The following CCSER1 variants were observed in gnomAD, a reference collection of about 807,000 sequenced individuals.
CCSER1 encodes the protein coiled-coil serine rich protein 1.
A neutral mutation model predicts 82.0 loss-of-function variants in CCSER1; 41 were observed. The ratio of observed to expected loss-of-function variants is 0.50; its 90% CI spans 0.39 to 0.65. The LOEUF is 0.65. Among genes scored for constraint, CCSER1 ranks in the 30% least tolerant of loss-of-function variants. The pLI is 0.00. For synonymous variants in CCSER1, 414 were observed against 383.9 expected (o/e 1.08, Z -0.92); for missense variants, 1,119 against 1,064.2 (o/e 1.05, Z -0.72).
At chr4:91,496,564 G>GAATATA (rs1758818964) in intron 10 of CCSER1, among the ~76,000 whole-genome samples, 1 of 17,630 alleles carries the variant, frequency 5.7e-5, no homozygotes, top group Non-Finnish European at 1.5e-4. Flanking sequence ...CATAAATCTT[G>GAATATA]TATATATATA....
chr4:90,832,501 TC>T (rs776680293), intron 8 of CCSER1, among the ~76,000 whole-genome samples: 239 of 152,244 alleles, frequency 1.6e-3, no homozygotes, highest in Non-Finnish European at 2.8e-3. Flanking sequence ...TGTTTGATGA[TC>T]CCTCTTTTGT....
At chr4:91,044,121 CA>C (rs893680781) in intron 9 of CCSER1, among the ~76,000 whole-genome samples, 3 of 152,116 alleles carry the variant, frequency 2.0e-5, no homozygotes, top group African/African-American at 7.2e-5. Context: ...GGGGTCTGGG[CA>C]AAAATGAAAC....
At position 90,625,601 on chromosome 4, in the gene CCSER1, GT is replaced by G. The variant is rs965145414; in HGVS notation, c.1725-2416del. On this transcript the variant is annotated intron_variant, in intron 5 of 10. Coordinates refer to ENST00000509176, the MANE Select transcript of CCSER1 (RefSeq NM_001145065.2). ...GTTTCTCATATGTGAAAGAATATTAGTTTTTTTTGGTATCAACTACTAAAAA... is the reference window on the plus strand; with the variant it reads ...GTTTCTCATATGTGAAAGAATATTAGTTTTTTTGGTATCAACTACTAAAAA... Among the ~76,000 whole-genome samples, 417 of 151,948 alleles carry G rather than the reference GT, an allele frequency of 2.7e-3. 4 individuals are homozygous for G. Among genetic ancestry groups the G allele is most frequent in the African/African-American group, 9.5e-3 (392 of 41,446 alleles).
intron 10 of CCSER1, among the ~76,000 whole-genome samples, chr4:91,160,255 A>G (rs565679724): frequency 6.6e-6 from 1 of 152,328 alleles, no homozygotes; most frequent in African/African-American, 2.4e-5. Flanking sequence ...ATAGTATTCC[A>G]TGATGTATAT....
intron 10 of CCSER1, among the ~76,000 whole-genome samples, chr4:91,123,190 C>A (rs1727235848): frequency 6.6e-6 from 1 of 151,678 alleles, no homozygotes; most frequent in Non-Finnish European, 1.5e-5. Context: ...AATTGATTTT[C>A]TTTCAAATAG....
chr4:90,836,237 T>C (rs570464016), intron 8 of CCSER1, among the ~76,000 whole-genome samples: 11 of 152,254 alleles, frequency 7.2e-5, no homozygotes, highest in African/African-American at 2.6e-4. Context: ...ACATGATCAG[T>C]GTGCACTCAG....
chr4:91,309,916 AGG>A (rs1745344554), intron 10 of CCSER1, among the ~76,000 whole-genome samples: 1 of 151,892 alleles, frequency 6.6e-6, no homozygotes, highest in South Asian at 2.1e-4. Context: ...AGATTTCTGA[AGG>A]CTAGAGGTCC....
chr4:91,586,741 T>G (rs1161225525), intron 10 of CCSER1, among the ~76,000 whole-genome samples: 1 of 151,760 alleles, frequency 6.6e-6, no homozygotes, highest in Non-Finnish European at 1.5e-5. Context: ...TTAGAAATTA[T>G]GTTGTACCAC....
At chr4:91,088,038 G>A (rs1336090359) in intron 10 of CCSER1, among the ~76,000 whole-genome samples, 1 of 152,048 alleles carries the variant, frequency 6.6e-6, no homozygotes, top group Non-Finnish European at 1.5e-5. Context: ...TAAGAAATGG[G>A]ACGTGTATGT....
chr4:90,312,765 GAA>G (rs1735528009), intron 2 of CCSER1, 96 bp from the exon 3 acceptor site: 19 of 928,436 alleles, frequency 2.0e-5, no homozygotes, highest in Non-Finnish European at 2.7e-5. Context: ...GAGAAACTTT[GAA>G]TAACACTAAG....
intron 10 of CCSER1, among the ~76,000 whole-genome samples, chr4:91,298,370 A>C (rs1028356488): frequency 4.6e-5 from 7 of 152,030 alleles, no homozygotes; most frequent in African/African-American, 1.7e-4. Context: ...TCAAATGACC[A>C]CATAGCAGAA....
chr4:91,150,264 G>A (rs1312217762), intron 10 of CCSER1, among the ~76,000 whole-genome samples: 3 of 152,150 alleles, frequency 2.0e-5, no homozygotes, highest in African/African-American at 7.2e-5. Flanking sequence ...GTTCACTTAT[G>A]ATTTGGCTCT....
At chr4:90,943,263 C>T (rs531077974) in intron 9 of CCSER1, among the ~76,000 whole-genome samples, 7 of 152,060 alleles carry the variant, frequency 4.6e-5, no homozygotes, top group Non-Finnish European at 1.0e-4. Flanking sequence ...TTTTGTTTAC[C>T]TCGTGGTTCA....
intron 10 of CCSER1, among the ~76,000 whole-genome samples, chr4:91,407,708 G>A (rs892950736): frequency 2.0e-5 from 3 of 152,112 alleles, no homozygotes; most frequent in African/African-American, 7.2e-5. Context: ...GGTGAGAGAA[G>A]GGACAAGAGA....
chr4:90,536,038 T>G (rs951726304), intron 5 of CCSER1, among the ~76,000 whole-genome samples: 1 of 148,006 alleles, frequency 6.8e-6, no homozygotes, highest in African/African-American at 2.5e-5. Context: ...TCTGTTTTTT[T>G]TTTTTTTTTT....
chr4:91,553,532 C>T (rs1201212517), intron 10 of CCSER1, among the ~76,000 whole-genome samples: 4 of 150,442 alleles, frequency 2.7e-5, no homozygotes, highest in South Asian at 2.1e-4. Context: ...TTCTCTTCGT[C>T]GGGAGATATT....
intron 9 of CCSER1, among the ~76,000 whole-genome samples, chr4:90,939,585 A>G (rs1731355282): frequency 6.6e-6 from 1 of 152,214 alleles, no homozygotes; most frequent in South Asian, 2.1e-4. Flanking sequence ...AGGGCAATAG[A>G]AATGCCATAG....
intron 1 of CCSER1, among the ~76,000 whole-genome samples, chr4:90,230,140 C>G (rs1002336676): frequency 2.6e-5 from 4 of 152,190 alleles, no homozygotes; most frequent in Non-Finnish European, 4.4e-5. Flanking sequence ...ATCTACAGAA[C>G]TCTCCACCCC....
chr4:90,972,772 A>G (rs1417183332), intron 9 of CCSER1, among the ~76,000 whole-genome samples: 1 of 151,750 alleles, frequency 6.6e-6, no homozygotes. Flanking sequence ...TATTATTAAA[A>G]TAAAGTAATC....
Sources: gnomAD v4.1 joint callset for allele counts (sites outside exome capture counted in the v4.1 genomes callset) on GRCh38, gnomAD v4.1.1 for gene constraint, MANE v1.5 for transcripts, NCBI Gene and HGNC (gene_info 2026-07-23, HGNC 2026-07-21) for gene names.